Variants in MECOM observed in about 807,000 individuals in gnomAD.
MECOM encodes histone-lysine N-methyltransferase MECOM.
In MECOM, 13 loss-of-function variants were observed where a neutral mutation model predicts 116.3. The ratio of observed to expected loss-of-function variants is 0.11; its 90% CI spans 0.07 to 0.18. The LOEUF is 0.18. Ranked by LOEUF, MECOM falls within the 10% of genes least tolerant of loss-of-function variation. The pLI, the probability that MECOM is intolerant of heterozygous loss-of-function variation, is 1.00. For missense variants in MECOM, 1,299 were observed against 1,509.0 expected (o/e 0.86, Z 2.31); for synonymous variants, 528 against 535.2 (o/e 0.99, Z 0.19).
At chr3:169,100,532 T>C (rs1384991943) in intron 12 of MECOM, among the ~76,000 whole-genome samples, 1 of 152,176 alleles carries the variant, frequency 6.6e-6, no homozygotes, top group Non-Finnish European at 1.5e-5. Flanking sequence ...TGCAAAGTTA[T>C]GATTTTTGTC....
At chr3:169,613,478 C>T (rs1351042081) in intron 1 of MECOM, 1 of 152,178 alleles carries the variant, frequency 6.6e-6, no homozygotes, top group Non-Finnish European at 1.5e-5. Context: ...ATTAATGCTC[C>T]TGCTGCATAC....
intron 2 of MECOM, among the ~76,000 whole-genome samples, chr3:169,352,746 A>T (rs1020256775): frequency 1.3e-5 from 2 of 151,958 alleles, no homozygotes; most frequent in African/African-American, 4.8e-5. Flanking sequence ...ATTTGAGCCC[A>T]TACTCAGAGC....
intron 2 of MECOM, among the ~76,000 whole-genome samples, chr3:169,325,458 T>C (rs1436252488): frequency 3.3e-5 from 5 of 152,180 alleles, no homozygotes; most frequent in African/African-American, 7.2e-5. Context: ...TCATAAAGGG[T>C]AAATTTAGCT....
At chr3:169,214,902 CATTATAAATA>C (rs1440543768) in intron 2 of MECOM, among the ~76,000 whole-genome samples, 1 of 147,384 alleles carries the variant, frequency 6.8e-6, no homozygotes, top group Non-Finnish European at 1.5e-5. Context: ...ACAAAATCTA[CATTATAAATA>C]TATATACATA....
At chr3:169,345,240 C>G (rs2149796427) in intron 2 of MECOM, among the ~76,000 whole-genome samples, 1 of 152,166 alleles carries the variant, frequency 6.6e-6, no homozygotes, top group Middle Eastern at 3.4e-3. Context: ...AGCAGTACCT[C>G]AGTATTGCAT....
At chr3:169,554,578 G>A (rs1369000849) in intron 1 of MECOM, among the ~76,000 whole-genome samples, 1 of 152,054 alleles carries the variant, frequency 6.6e-6, no homozygotes, top group East Asian at 1.9e-4. Flanking sequence ...GTTAAAGATT[G>A]GCACATCACA....
At chr3:169,248,083 G>C (rs1337225485) in intron 2 of MECOM, among the ~76,000 whole-genome samples, 1 of 152,152 alleles carries the variant, frequency 6.6e-6, no homozygotes, top group Non-Finnish European at 1.5e-5. Flanking sequence ...ATAGCACCTG[G>C]CACAGGGTAA....
intron 2 of MECOM, among the ~76,000 whole-genome samples, chr3:169,163,521 A>T (rs549925565): frequency 1.3e-5 from 2 of 152,178 alleles, no homozygotes; most frequent in Admixed American, 6.5e-5. Context: ...CTTAGTATAC[A>T]TCATTTCATG....
At chr3:169,341,431 CAAAA>C (rs60482855) in intron 2 of MECOM, among the ~76,000 whole-genome samples, 7 of 89,402 alleles carry the variant, frequency 7.8e-5, no homozygotes, top group Admixed American at 5.4e-4. Flanking sequence ...TTAATAGGTT[CAAAA>C]AAAAAAAAAA....
At chr3:169,526,374 T>A (rs1393195295) in intron 1 of MECOM, among the ~76,000 whole-genome samples, 4 of 152,180 alleles carry the variant, frequency 2.6e-5, no homozygotes, top group African/African-American at 9.7e-5. Context: ...GAGTTTGACA[T>A]TTTTATTGCA....
intron 1 of MECOM, among the ~76,000 whole-genome samples, chr3:169,560,714 T>G (rs1028184788): frequency 3.3e-5 from 5 of 152,010 alleles, no homozygotes; most frequent in African/African-American, 1.2e-4. Flanking sequence ...AAAAAATAAA[T>G]TTAGATATAT....
At chr3:169,206,768 A>AT in intron 2 of MECOM, among the ~76,000 whole-genome samples, 1 of 151,850 alleles carries the variant, frequency 6.6e-6, no homozygotes, top group Non-Finnish European at 1.5e-5. Flanking sequence ...AAAAAAAAAA[A>AT]AAATTAAACC....
chr3:169,536,570 A>G (rs769688682), intron 1 of MECOM, among the ~76,000 whole-genome samples: 5 of 152,016 alleles, frequency 3.3e-5, no homozygotes, highest in Non-Finnish European at 7.4e-5. Context: ...AAAAAGAAAA[A>G]GAAAAAAATT....
chr3:169,327,378 G>A (rs1722007882), intron 2 of MECOM, among the ~76,000 whole-genome samples: 1 of 152,036 alleles, frequency 6.6e-6, no homozygotes, highest in Admixed American at 6.6e-5. Context: ...GGTGGCTCAC[G>A]CCTGTAATCC....
intron 2 of MECOM, among the ~76,000 whole-genome samples, chr3:169,342,029 A>G (rs1176046974): frequency 2.6e-5 from 4 of 152,116 alleles, no homozygotes. Flanking sequence ...TCAAAACACA[A>G]GAAAGTTTTC....
chr3:169,612,195 TTA>T (rs1180692798), intron 1 of MECOM, among the ~76,000 whole-genome samples: 2 of 152,228 alleles, frequency 1.3e-5, no homozygotes, highest in African/African-American at 4.8e-5. Context: ...TATTTGGTAT[TTA>T]TGTTAAAGGA....
intron 1 of MECOM, among the ~76,000 whole-genome samples, chr3:169,654,722 G>A (rs1775318468): frequency 6.6e-6 from 1 of 151,686 alleles, no homozygotes; most frequent in African/African-American, 2.4e-5. Flanking sequence ...CGGCATGGAG[G>A]GAAAGAAAGA....
intron 1 of MECOM, among the ~76,000 whole-genome samples, chr3:169,456,098 T>C (rs1746443289): frequency 6.6e-6 from 1 of 152,198 alleles, no homozygotes; most frequent in Non-Finnish European, 1.5e-5. Context: ...TTCTTGGAAA[T>C]TTATATGGTC....
At chr3:169,485,964 C>CTATATATATACATATATATACTA (rs371192814) in intron 1 of MECOM, among the ~76,000 whole-genome samples, 2 of 94,362 alleles carry the variant, frequency 2.1e-5, no homozygotes, top group East Asian at 6.1e-4. Context: ...TACATATATA[C>CTATATATATACATATATATACTA]TATATATACA....
Sources: gnomAD v4.1 joint callset for allele counts (sites outside exome capture counted in the v4.1 genomes callset) on GRCh38, gnomAD v4.1.1 for gene constraint, MANE v1.5 for transcripts, NCBI Gene and HGNC (gene_info 2026-07-23, HGNC 2026-07-21) for gene names.